The following SCFD2 variants were observed in gnomAD, a reference collection of about 807,000 sequenced individuals.
SCFD2 encodes sec1 family domain containing 2.
In SCFD2, 54 loss-of-function variants were observed where a neutral mutation model predicts 58.9. The ratio of observed to expected loss-of-function variants is 0.92; its 90% CI spans 0.74 to 1.15. The LOEUF (loss-of-function observed/expected upper bound fraction) is 1.15, where lower values mean the gene tolerates loss of function less well. SCFD2 is among the 50% of genes most tolerant of loss of function. SCFD2 has a pLI of 0.00. For missense variants in SCFD2, 805 were observed against 836.6 expected (o/e 0.96, Z 0.47); for synonymous variants, 321 against 335.9 (o/e 0.96, Z 0.49).
At chr4:53,171,997 TTTATTTA>T (rs1234493516) in intron 4 of SCFD2, among the ~76,000 whole-genome samples, 1 of 150,004 alleles carries the variant, frequency 6.7e-6, no homozygotes. Flanking sequence ...ATTTTATTTA[TTTATTTA>T]TTATTTATTA....
chr4:53,273,697 A>G (rs1268366398), intron 4 of SCFD2, 129 bp downstream of exon 4: 1 of 814,398 alleles, frequency 1.2e-6, no homozygotes, highest in Non-Finnish European at 1.8e-6. Context: ...GGGGGCACTT[A>G]GAGAATATGA....
intron 4 of SCFD2, among the ~76,000 whole-genome samples, chr4:53,197,782 A>G (rs1577830790): frequency 6.7e-6 from 1 of 150,326 alleles, no homozygotes; most frequent in African/African-American, 2.4e-5. Context: ...TGAATATTTC[A>G]TCTTGCTCTA....
chr4:53,327,071 G>A (rs1008823708), intron 2 of SCFD2, among the ~76,000 whole-genome samples: 1 of 152,008 alleles, frequency 6.6e-6, no homozygotes, highest in Admixed American at 6.6e-5. Context: ...TGCCTAGAAG[G>A]GAGTTGTCTT....
intron 2 of SCFD2, among the ~76,000 whole-genome samples, chr4:53,327,065 T>C (rs1203243200): frequency 1.3e-5 from 2 of 150,418 alleles, no homozygotes; most frequent in African/African-American, 4.9e-5. Flanking sequence ...AGTTGGTGCC[T>C]AGAAGGGAGT....
chr4:53,226,544 G>T (rs1413396624), intron 4 of SCFD2, among the ~76,000 whole-genome samples: 3 of 151,906 alleles, frequency 2.0e-5, no homozygotes, highest in Non-Finnish European at 4.4e-5. Context: ...CTAACATTCT[G>T]ATGAGCAATG....
chr4:52,903,681 A>C lies in SCFD2; in HGVS notation c.1842+3776T>G, dbSNP rs534791479. On this transcript the variant is annotated intron_variant, in intron 7 of 8. Transcript: ENST00000401642. ...TCTCACATTCTTTTGATAAATAAGA[A>C]AACATTTAAATCATGCGTGTGTATC... 1.2e-3 allele frequency among the ~76,000 whole-genome samples: 188 copies of C among 152,360 alleles called. 2 individuals carry two copies. The highest frequency in any genetic ancestry group is 2.1e-3 in the Non-Finnish European group (143 of 68,032).
chr4:52,906,848 C>A (rs1295658020), intron 7 of SCFD2, among the ~76,000 whole-genome samples: 1 of 152,170 alleles, frequency 6.6e-6, no homozygotes, highest in Non-Finnish European at 1.5e-5. Flanking sequence ...TTATTGAAAT[C>A]TTTTTAGATT....
chr4:53,146,413 A>C (rs967021260), intron 4 of SCFD2, among the ~76,000 whole-genome samples: 2 of 152,170 alleles, frequency 1.3e-5, no homozygotes, highest in Non-Finnish European at 2.9e-5. Context: ...ATAATCCTGT[A>C]AGATAAAACT....
intron 5 of SCFD2, among the ~76,000 whole-genome samples, chr4:53,028,102 C>T (rs1259169583): frequency 6.6e-6 from 1 of 151,880 alleles, no homozygotes; most frequent in Non-Finnish European, 1.5e-5. Context: ...CAAAAATTAG[C>T]TGGGCGTGGT....
chr4:52,900,734 C>G (rs1347256387), intron 7 of SCFD2, among the ~76,000 whole-genome samples: 1 of 152,214 alleles, frequency 6.6e-6, no homozygotes, highest in East Asian at 1.9e-4. Flanking sequence ...GCCCTGCCCC[C>G]AGAGGTGGAG....
rs564947278 is a variant in SCFD2, at chr4:53,075,060, T to A, written c.1561+70273A>T. Among the ~76,000 whole-genome samples the A allele has an allele frequency of 5.9e-5, 9 of 152,348 alleles. No individual in the cohort carries two copies. The South Asian group carries it at 1.9e-3, about 32-fold the overall frequency. On this transcript the variant is annotated intron_variant, in intron 5 of 8. Coordinates refer to ENST00000401642, the MANE Select transcript of SCFD2 (RefSeq NM_152540.4). ...TCATCTACACTGAACATCTGTTGTT[T>A]AATGTAGCCACCTTCATCAATGATC...
intron 5 of SCFD2, among the ~76,000 whole-genome samples, chr4:52,984,909 G>A (rs1038534595): frequency 6.6e-6 from 1 of 152,106 alleles, no homozygotes; most frequent in Non-Finnish European, 1.5e-5. Flanking sequence ...TTGCTTACTT[G>A]CCTACACTTT....
In SCFD2 at chr4:53,186,717, G is replaced by A. The variant is rs1327785254; in HGVS notation, c.1312-41135C>T. Among the ~76,000 whole-genome samples the A allele has an allele frequency of 2.0e-5, 3 of 151,856 alleles. No individual in the cohort carries two copies. The East Asian group carries it at 5.8e-4, about 29-fold the overall frequency. The stretch of plus-strand genomic sequence containing the variant: ...GGTTACAAAATCTTTAGAGGTAGAA[G>A]GCCTAAATAGGACACCAAGAGCAAA... On this transcript the variant is annotated intron_variant, in intron 4 of 8. Coordinates refer to ENST00000401642, the MANE Select transcript of SCFD2 (RefSeq NM_152540.4).
At chr4:53,256,899 AGGGAGGGGGACG>A (rs1413535212) in intron 4 of SCFD2, among the ~76,000 whole-genome samples, 2 of 21,388 alleles carry the variant, frequency 9.4e-5, no homozygotes, top group African/African-American at 3.8e-4. Flanking sequence ...AGAGGGAGAG[AGGGAGGGGGACG>A]GGGAGGGGGA....
chr4:53,029,947 AC>A (rs1455852234), intron 5 of SCFD2, among the ~76,000 whole-genome samples: 2 of 152,340 alleles, frequency 1.3e-5, no homozygotes, highest in Non-Finnish European at 1.5e-5. Context: ...TAGACATGAC[AC>A]CAAAATCATA....
intron 4 of SCFD2, among the ~76,000 whole-genome samples, chr4:53,254,802 ATTTTTTTATT>A (rs1247650665): frequency 1.3e-4 from 18 of 134,546 alleles, no homozygotes; most frequent in Non-Finnish European, 2.2e-4. Context: ...TGTTTATTTT[ATTTTTTTATT>A]TTATTTTATT....
intron 3 of SCFD2, among the ~76,000 whole-genome samples, chr4:53,304,072 T>G (rs1488302004): frequency 1.3e-5 from 2 of 150,192 alleles, no homozygotes; most frequent in Non-Finnish European, 3.0e-5. Context: ...CTGCACGTTG[T>G]GCACATGTAC....
chr4:52,908,084 A>G (rs1719391273), intron 6 of SCFD2, among the ~76,000 whole-genome samples: 1 of 152,206 alleles, frequency 6.6e-6, no homozygotes, highest in South Asian at 2.1e-4. Context: ...TACAGAGCTC[A>G]ATTCCCAAGT....
intron 4 of SCFD2, among the ~76,000 whole-genome samples, chr4:53,211,432 T>C (rs557510336): frequency 1.3e-5 from 2 of 152,132 alleles, no homozygotes; most frequent in South Asian, 4.2e-4. Flanking sequence ...TAAACGTGAG[T>C]GTTTTCTTGA....
Sources: gnomAD v4.1 joint callset for allele counts (sites outside exome capture counted in the v4.1 genomes callset) on GRCh38, gnomAD v4.1.1 for gene constraint, MANE v1.5 for transcripts, NCBI Gene and HGNC (gene_info 2026-07-23, HGNC 2026-07-21) for gene names.